Variants in CRACD observed in about 807,000 individuals in gnomAD.
CRACD encodes capping protein-inhibiting regulator of actin dynamics.
In CRACD, 56 loss-of-function variants were observed where a neutral mutation model predicts 106.8. That is an observed-to-expected ratio of 0.52 (90% CI 0.42 to 0.66). CRACD has a LOEUF of 0.66. Among genes scored for constraint, CRACD ranks in the 30% least tolerant of loss-of-function variants. The pLI, the probability that CRACD is intolerant of heterozygous loss-of-function variation, is 0.00. For missense variants in CRACD, 1,730 were observed against 1,623.2 expected, an observed-to-expected ratio of 1.07 and a Z score of -1.13; for synonymous variants, 754 against 670.8, an observed-to-expected ratio of 1.12 and a Z score of -1.92.
At chr4:56,306,324 T>C (rs1023214849) in intron 4 of CRACD, among the ~76,000 whole-genome samples, 1 of 151,944 alleles carries the variant, frequency 6.6e-6, no homozygotes, top group South Asian at 2.1e-4. Flanking sequence ...TGAAACCCCA[T>C]CTCTACAAAA....
chr4:56,191,376 TCTCCCTCCCTCCCTTC>T (rs1356678592), intron 2 of CRACD, among the ~76,000 whole-genome samples: 1 of 151,744 alleles, frequency 6.6e-6, no homozygotes, highest in East Asian at 1.9e-4. Flanking sequence ...AGTCTTCCTC[TCTCCCTCCCTCCCTTC>T]CTCCCTCCCT....
chr4:56,070,493 G>A (rs2109795942), intron 1 of CRACD, among the ~76,000 whole-genome samples: 1 of 152,082 alleles, frequency 6.6e-6, no homozygotes, highest in Non-Finnish European at 1.5e-5. Context: ...TAGAGACGGG[G>A]TTTCACCGTA....
chr4:56,157,838 G>A (rs986942090), intron 1 of CRACD, among the ~76,000 whole-genome samples: 3 of 152,172 alleles, frequency 2.0e-5, no homozygotes, highest in African/African-American at 4.8e-5. Flanking sequence ...TGATGAGAAG[G>A]ATGGGACTAA....
intron 1 of CRACD, among the ~76,000 whole-genome samples, chr4:56,088,139 T>C (rs909952022): frequency 6.6e-6 from 1 of 151,736 alleles, no homozygotes; most frequent in Non-Finnish European, 1.5e-5. Context: ...TTTCTTTTTT[T>C]TTTTTTTTTT....
intron 1 of CRACD, among the ~76,000 whole-genome samples, chr4:56,106,940 G>A (rs1191510885): frequency 6.6e-6 from 1 of 152,152 alleles, no homozygotes; most frequent in Non-Finnish European, 1.5e-5. Context: ...CTGTGCACAT[G>A]AGCATCTGTT....
At chr4:56,179,788 C>T (rs10434443) in intron 2 of CRACD, among the ~76,000 whole-genome samples, 43,721 of 151,914 alleles carry the variant, frequency 0.29, 6,497 homozygotes, top group Middle Eastern at 0.34. Context: ...GAAGCTGAGG[C>T]GGGCGGATCA....
rs139748041 is a variant in CRACD, at chr4:56,144,841, A to T, written c.-335-34443A>T. The stretch of plus-strand genomic sequence containing the variant: ...GCTAATGTTTATATTTTTAGTAGAG[A>T]CGGTGTTTTGCTATGTTGGCCAGGC... On this transcript the variant is annotated intron_variant, in intron 1 of 10. Coordinates refer to ENST00000682029, the MANE Select transcript of CRACD (RefSeq NM_001393381.1). Among the ~76,000 whole-genome samples, 1,249 of 151,996 alleles carry T rather than the reference A, an allele frequency of 8.2e-3. 9 individuals carry two copies. The highest frequency in any genetic ancestry group is 0.023 in the African/African-American group (967 of 41,452).
At chr4:56,085,922 G>T (rs1484207341) in intron 1 of CRACD, among the ~76,000 whole-genome samples, 1 of 152,076 alleles carries the variant, frequency 6.6e-6, no homozygotes, top group East Asian at 1.9e-4. Flanking sequence ...TTTATTCATG[G>T]TATAGTTTCT....
intron 1 of CRACD, among the ~76,000 whole-genome samples, chr4:56,095,955 A>T (rs1304058281): frequency 6.6e-6 from 1 of 152,116 alleles, no homozygotes; most frequent in African/African-American, 2.4e-5. Flanking sequence ...GAAGGATTGG[A>T]TGTGGGAGAT....
At chr4:56,222,432 G>A (rs915553958) in intron 2 of CRACD, among the ~76,000 whole-genome samples, 1 of 152,006 alleles carries the variant, frequency 6.6e-6, no homozygotes, top group African/African-American at 2.4e-5. Flanking sequence ...CTACGTATTG[G>A]GTACGGTGTA....
At chr4:56,170,957 G>T (rs1736337615) in intron 1 of CRACD, among the ~76,000 whole-genome samples, 1 of 152,184 alleles carries the variant, frequency 6.6e-6, no homozygotes, top group Non-Finnish European at 1.5e-5. Flanking sequence ...TTCAACAGAG[G>T]CAGACAAACT....
intron 1 of CRACD, among the ~76,000 whole-genome samples, chr4:56,093,768 C>T (rs186734344): frequency 6.6e-6 from 1 of 152,310 alleles, no homozygotes; most frequent in Admixed American, 6.5e-5. Context: ...GATTAGGTAA[C>T]CAGAGGCCCT....
At chr4:56,166,712 A>G (rs887779416) in intron 1 of CRACD, among the ~76,000 whole-genome samples, 2 of 150,640 alleles carry the variant, frequency 1.3e-5, no homozygotes, top group East Asian at 3.9e-4. Context: ...GGAGTATTAC[A>G]CAGGCAATTG....
chr4:56,090,396 G>A (rs1577956210), intron 1 of CRACD, among the ~76,000 whole-genome samples: 1 of 152,050 alleles, frequency 6.6e-6, no homozygotes, highest in African/African-American at 2.4e-5. Context: ...CACCTGCCAA[G>A]CTGGGCCAGG....
intron 1 of CRACD, among the ~76,000 whole-genome samples, chr4:56,092,341 C>T (rs912515480): frequency 6.6e-6 from 1 of 152,146 alleles, no homozygotes; most frequent in African/African-American, 2.4e-5. Context: ...AGTCCTTTTG[C>T]TTATGGGAGT....
chr4:56,223,814 A>G (rs1029436025), intron 2 of CRACD, among the ~76,000 whole-genome samples: 4 of 152,222 alleles, frequency 2.6e-5, no homozygotes, highest in African/African-American at 9.6e-5. Context: ...GCTGAAGTAC[A>G]GTGACGCAGT....
At chr4:56,080,521 C>A (rs1732986564) in intron 1 of CRACD, among the ~76,000 whole-genome samples, 2 of 152,336 alleles carry the variant, frequency 1.3e-5, no homozygotes, top group Admixed American at 1.3e-4. Flanking sequence ...ACTTTTTCTG[C>A]AGTGCTGTTA....
chr4:56,111,281 A>G (rs1734113264), intron 1 of CRACD, among the ~76,000 whole-genome samples: 1 of 152,190 alleles, frequency 6.6e-6, no homozygotes, highest in African/African-American at 2.4e-5. Context: ...GTTGCAATAC[A>G]ACACTGCATT....
In CRACD at chr4:56,054,113, G is replaced by C. The variant is rs114484405; in HGVS notation, c.-336+4814G>C. Among the ~76,000 whole-genome samples, 1,358 of 152,228 alleles carry C rather than the reference G, an allele frequency of 8.9e-3. 20 individuals carry two copies. The highest frequency in any genetic ancestry group is 0.015 in the Admixed American group (224 of 15,298). On this transcript the variant is annotated intron_variant, in intron 1 of 10. Coordinates refer to ENST00000682029, the MANE Select transcript of CRACD (RefSeq NM_001393381.1). ...ACTTATTGGGTGGTCATTGTAATTTGTATGTTCAGGCAGATACAAAACTTG... is the reference window on the plus strand; with the variant it reads ...ACTTATTGGGTGGTCATTGTAATTTCTATGTTCAGGCAGATACAAAACTTG...
Sources: gnomAD v4.1 joint callset for allele counts (sites outside exome capture counted in the v4.1 genomes callset) on GRCh38, gnomAD v4.1.1 for gene constraint, MANE v1.5 for transcripts, NCBI Gene and HGNC (gene_info 2026-07-23, HGNC 2026-07-21) for gene names.